HTR4: variants seen among roughly 807,000 people sequenced by gnomAD.
HTR4 encodes the protein 5-hydroxytryptamine (serotonin) receptor 4, G protein-coupled.
In HTR4, 16 loss-of-function variants were observed where a neutral mutation model predicts 36.8. The observed-to-expected ratio is 0.43, with a 90% CI of 0.29 to 0.66. HTR4 has a LOEUF of 0.66. Ranked by LOEUF, HTR4 falls within the 30% of genes least tolerant of loss-of-function variation. The probability of loss-of-function intolerance (pLI) is 0.13; values close to 1 mark genes in which losing one functional copy is unlikely to be tolerated. For synonymous variants in HTR4, 189 were observed against 185.1 expected, an observed-to-expected ratio of 1.02 and a Z score of -0.17; for missense variants, 438 against 490.9, an observed-to-expected ratio of 0.89 and a Z score of 1.02.
At chr5:148,487,628 C>A (rs187440084) in intron 6 of HTR4, among the ~76,000 whole-genome samples, 1 of 152,182 alleles carries the variant, frequency 6.6e-6, no homozygotes, top group Non-Finnish European at 1.5e-5. Context: ...CTGATTCTTA[C>A]GCACACAGGT....
At chr5:148,475,045 CA>C (rs60611116), downstream of HTR4, among the ~76,000 whole-genome samples, 2 of 147,576 alleles carry the variant, frequency 1.4e-5, no homozygotes, top group Non-Finnish European at 1.5e-5. Context: ...ACTCCTTCTC[CA>C]AAAAAAAAAG....
intron 2 of HTR4, among the ~76,000 whole-genome samples, chr5:148,636,004 C>T (rs575852728): frequency 2.0e-5 from 3 of 152,234 alleles, no homozygotes; most frequent in Admixed American, 1.3e-4. Flanking sequence ...TATATTACAA[C>T]AATGACAAAC....
intron 6 of HTR4, among the ~76,000 whole-genome samples, chr5:148,487,818 G>A (rs561916478): frequency 6.6e-6 from 1 of 152,140 alleles, no homozygotes; most frequent in Non-Finnish European, 1.5e-5. Flanking sequence ...GGTCAGAGGG[G>A]CCAGAGATAG....
At chr5:148,624,597 T>G (rs1753027949) in intron 2 of HTR4, among the ~76,000 whole-genome samples, 1 of 152,190 alleles carries the variant, frequency 6.6e-6, no homozygotes, top group African/African-American at 2.4e-5. Flanking sequence ...CCAGGAAATC[T>G]GCAAACAGCA....
intron 2 of HTR4, among the ~76,000 whole-genome samples, chr5:148,598,169 T>G: frequency 6.6e-6 from 1 of 151,442 alleles, no homozygotes; most frequent in East Asian, 1.9e-4. Flanking sequence ...TCAGAAGAAA[T>G]GAGGAGGAGC....
In HTR4 at chr5:148,490,898, C is replaced by T. The variant is rs1320853817; in HGVS notation, c.1077-7605G>A. On this transcript the variant is annotated intron_variant, in intron 6 of 6. Coordinates refer to ENST00000377888, the MANE Select transcript of HTR4 (RefSeq NM_000870.7). ...TGACCTAAAACCTCTTTGCTCTAAG[C>T]TCAGCATCCCCAGTTCCTTCTACTG... is the stretch of plus-strand genomic sequence containing the variant. 3.7e-5 allele frequency: 17 copies of T among 453,436 alleles called. No homozygotes were observed. In the Admixed American group the frequency reaches 4.1e-4, roughly 11 times the overall value. 28.1% of individuals were successfully genotyped at this position (453,436 alleles called of 1,614,324 possible).
At chr5:148,573,668 G>C (rs1266755502) in intron 2 of HTR4, among the ~76,000 whole-genome samples, 1 of 152,040 alleles carries the variant, frequency 6.6e-6, no homozygotes, top group Non-Finnish European at 1.5e-5. Context: ...ACCAGAAGCA[G>C]TGGCATGAGC....
At chr5:148,587,460 G>A (rs989829376) in intron 2 of HTR4, among the ~76,000 whole-genome samples, 1 of 152,100 alleles carries the variant, frequency 6.6e-6, no homozygotes, top group Non-Finnish European at 1.5e-5. Flanking sequence ...GGAGGGTTGG[G>A]GGGGTGGTGA....
At chr5:148,637,137 C>G (rs1753573408) in intron 1 of HTR4, 76 bp from the exon 2 acceptor site, 1 of 906,732 alleles carries the variant, frequency 1.1e-6, no homozygotes, top group Non-Finnish European at 1.8e-6. Context: ...TTAAAAAACT[C>G]AAATAACTAT....
At chr5:148,576,127 A>AAAAAAAAAAAAAAAAAAAAAAAAAG (rs1217340461) in intron 2 of HTR4, among the ~76,000 whole-genome samples, 1 of 149,356 alleles carries the variant, frequency 6.7e-6, no homozygotes, top group African/African-American at 2.5e-5. Flanking sequence ...AAAAAAAAAA[A>AAAAAAAAAAAAAAAAAAAAAAAAAG]AAAAAACAAA....
intron 6 of HTR4, among the ~76,000 whole-genome samples, chr5:148,505,868 A>T (rs1323215057): frequency 2.0e-5 from 3 of 152,192 alleles, no homozygotes; most frequent in Non-Finnish European, 4.4e-5. Context: ...TCAACGAAAT[A>T]AAAGAGGACA....
intron 5 of HTR4, among the ~76,000 whole-genome samples, chr5:148,454,100 C>T (rs549932732): frequency 6.6e-6 from 1 of 152,272 alleles, no homozygotes; most frequent in African/African-American, 2.4e-5. Flanking sequence ...GTAACCATGA[C>T]CCTCACTTGA....
chr5:148,616,164 A>G (rs1408227215), intron 2 of HTR4, among the ~76,000 whole-genome samples: 1 of 152,236 alleles, frequency 6.6e-6, no homozygotes, highest in African/African-American at 2.4e-5. Context: ...GATAACCACA[A>G]GGGTTAGTGC....
chr5:148,520,542 T>A (rs112725348), intron 5 of HTR4, among the ~76,000 whole-genome samples: 14 of 152,294 alleles, frequency 9.2e-5, no homozygotes, highest in African/African-American at 3.4e-4. Context: ...CGGGCTCAGA[T>A]ACAGTCCCCA....
chr5:148,564,680 A>G (rs1760360483), intron 2 of HTR4, among the ~76,000 whole-genome samples: 1 of 152,218 alleles, frequency 6.6e-6, no homozygotes, highest in African/African-American at 2.4e-5. Context: ...AGCTGTTAAC[A>G]TCACATACAA....
At chr5:148,588,388 T>A (rs1238640920) in intron 2 of HTR4, among the ~76,000 whole-genome samples, 1 of 152,186 alleles carries the variant, frequency 6.6e-6, no homozygotes, top group Non-Finnish European at 1.5e-5. Context: ...GGCCAAAGGT[T>A]AAATTCTGGG....
intron 4 of HTR4, among the ~76,000 whole-genome samples, chr5:148,533,767 T>G (rs188591578): frequency 7.4e-4 from 112 of 152,346 alleles, no homozygotes; most frequent in African/African-American, 2.6e-3. Flanking sequence ...TCTTTAAAGT[T>G]AGAATAATTA....
chr5:148,525,371 G>A (rs1041137419), intron 4 of HTR4, among the ~76,000 whole-genome samples: 19 of 152,092 alleles, frequency 1.2e-4, no homozygotes, highest in African/African-American at 4.6e-4. Flanking sequence ...CCTGTTAGGG[G>A]GCAAGTTTCT....
chr5:148,631,583 A>C (rs910051971), intron 2 of HTR4, among the ~76,000 whole-genome samples: 3 of 152,170 alleles, frequency 2.0e-5, no homozygotes, highest in African/African-American at 7.2e-5. Flanking sequence ...TTACCATTTC[A>C]TTTCAGGCTT....
Sources: gnomAD v4.1 joint callset for allele counts (sites outside exome capture counted in the v4.1 genomes callset) on GRCh38, gnomAD v4.1.1 for gene constraint, MANE v1.5 for transcripts, NCBI Gene and HGNC (gene_info 2026-07-23, HGNC 2026-07-21) for gene names.